The following UGT1A8 variants were observed in gnomAD, a reference collection of about 807,000 sequenced individuals.
The protein encoded by UGT1A8 is UDP glucuronosyltransferase family 1 member A8, also known as UDP-glucuronosyltransferase 1A8.
UGT1A8 carries 39 observed loss-of-function variants against 45.3 expected under a neutral mutation model. The ratio of observed to expected loss-of-function variants is 0.86; its 90% CI spans 0.67 to 1.12. The LOEUF is 1.12. Ranked by LOEUF, UGT1A8 falls within the 50% of genes most tolerant of loss-of-function variation. The pLI, the probability that UGT1A8 is intolerant of heterozygous loss-of-function variation, is 0.00. For missense variants in UGT1A8, 719 were observed against 664.9 expected (o/e 1.08, Z -0.90); for synonymous variants, 275 against 249.2 (o/e 1.10, Z -0.97).
intron 1 of UGT1A8, among the ~76,000 whole-genome samples, chr2:233,703,976 C>T (rs542132657): frequency 9.2e-5 from 14 of 152,024 alleles, no homozygotes; most frequent in East Asian, 1.9e-4. Context: ...CTGCAACCTC[C>T]GCCTCCTGGG....
intron 1 of UGT1A8, among the ~76,000 whole-genome samples, chr2:233,631,981 G>C (rs1483331267): frequency 6.6e-6 from 1 of 152,162 alleles, no homozygotes; most frequent in Non-Finnish European, 1.5e-5. Context: ...TTATGTTTAA[G>C]TCTTTAATCC....
intron 1 of UGT1A8, among the ~76,000 whole-genome samples, chr2:233,724,133 G>A (rs1298685512): frequency 0.042 from 1,427 of 33,736 alleles, 2 homozygotes; most frequent in African/African-American, 0.058. Context: ...CTCACCTCCC[G>A]GACGGGGCGG....
At chr2:233,674,004 A>G (rs17862858) in intron 1 of UGT1A8, among the ~76,000 whole-genome samples, 5,514 of 152,276 alleles carry the variant, frequency 0.036, 132 homozygotes, top group Admixed American at 0.06. Flanking sequence ...TGAAAAGTCC[A>G]TGACAAATAC....
chr2:233,688,681 T>C (rs1486641418), intron 1 of UGT1A8, among the ~76,000 whole-genome samples: 1 of 152,192 alleles, frequency 6.6e-6, no homozygotes, highest in East Asian at 1.9e-4. Flanking sequence ...TTTTAAAAAA[T>C]TTAATATTAA....
rs771555737 is a variant in UGT1A8, at chr2:233,682,301, T to C, written c.855+63739T>C. 44 of 1,614,092 alleles carry C rather than the reference T, an allele frequency of 2.7e-5. No individual in the cohort carries two copies. The highest frequency in any genetic ancestry group is 3.6e-5 in the Non-Finnish European group (42 of 1,180,036). ...CAATGGTATTTTTGACTTATTTTTT[T>C]CAAATTGCAGGAGTTTGTTTAATGA... On this transcript the variant is annotated intron_variant, in intron 1 of 4. Coordinates refer to ENST00000373450, the MANE Select transcript of UGT1A8 (RefSeq NM_019076.5).
intron 1 of UGT1A8, chr2:233,713,136 C>A (rs41270755): frequency 6.2e-7 from 1 of 1,614,170 alleles, no homozygotes; most frequent in East Asian, 2.2e-5. Context: ...GGAGGCCTTG[C>A]GGGACCTCCA....
At chr2:233,766,675 C>G (rs1309582394) in intron 1 of UGT1A8, among the ~76,000 whole-genome samples, 1 of 152,200 alleles carries the variant, frequency 6.6e-6, no homozygotes, top group Non-Finnish European at 1.5e-5. Context: ...CCCAGCTCTT[C>G]CCTTCTGTAT....
rs186063545 is a variant in UGT1A8 at position 233,691,746 on chromosome 2, C to T, written c.855+73184C>T. 6.9e-5 allele frequency: 40 copies of T among 577,626 alleles called. No individual in the cohort carries two copies. The East Asian group carries it at 5.4e-3, about 78-fold the overall frequency. The allele number at this position is 577,626 out of a possible 1,614,324, so 35.8% of individuals were successfully genotyped here. On this transcript the variant is annotated intron_variant, in intron 1 of 4. Transcript: ENST00000373450. The stretch of plus-strand genomic sequence containing the variant: ...GGCTGGGCCAGAAGCAGATACCAGG[C>T]TTTCTGACTCCTGCTCTAGGATTCT...
At chr2:233,622,602 G>A (rs188966423) in intron 1 of UGT1A8, among the ~76,000 whole-genome samples, 16 of 152,198 alleles carry the variant, frequency 1.1e-4, no homozygotes, top group Non-Finnish European at 2.4e-4. Flanking sequence ...ATTTTTTTGA[G>A]TTCTTTGTAG....
intron 1 of UGT1A8, among the ~76,000 whole-genome samples, chr2:233,621,666 G>T (rs1305714728): frequency 6.6e-6 from 1 of 152,090 alleles, no homozygotes. Context: ...CTATTTTGCT[G>T]AACTGATTCA....
At chr2:233,726,854 A>G (rs980426931) in intron 1 of UGT1A8, among the ~76,000 whole-genome samples, 2 of 152,058 alleles carry the variant, frequency 1.3e-5, no homozygotes, top group Non-Finnish European at 2.9e-5. Context: ...CCTTTTCTCC[A>G]TAGTCTTCTA....
Position 233,772,633 on chromosome 2 carries a change from T to G in UGT1A8, c.*74T>G. The G allele has an allele frequency of 6.4e-7, 1 of 1,555,996 alleles. No homozygotes were observed. Among genetic ancestry groups the G allele is most frequent in the Non-Finnish European group, 8.7e-7 (1 of 1,149,842 alleles). On this transcript the variant is annotated 3_prime_UTR_variant, in exon 5 of 5. Transcript: ENST00000373450. ...TCCAAACTTGAAAACAGAATCAGTG[T>G]TAAATTCATTTTATTCTTATTAAGG... is the stretch of plus-strand genomic sequence containing the variant.
chr2:233,664,881 G>A (rs1014039325), intron 1 of UGT1A8, among the ~76,000 whole-genome samples: 1 of 152,082 alleles, frequency 6.6e-6, no homozygotes, highest in Non-Finnish European at 1.5e-5. Flanking sequence ...GCCACTTCAT[G>A]GACCTCTCAG....
At chr2:233,692,890 A>C in intron 1 of UGT1A8, 1 of 1,522,444 alleles carries the variant, frequency 6.6e-7, no homozygotes, top group South Asian at 1.4e-5. Flanking sequence ...AGAGCAAGGG[A>C]GAGGTAGACA....
intron 1 of UGT1A8, chr2:233,636,569 T>C: frequency 6.2e-7 from 1 of 1,614,202 alleles, no homozygotes; most frequent in Non-Finnish European, 8.5e-7. Context: ...TGTGTGTGTC[T>C]ACTGCTGACC....
intron 1 of UGT1A8, chr2:233,729,207 G>C (rs6706232): frequency 6.2e-7 from 1 of 1,613,766 alleles, no homozygotes; most frequent in Non-Finnish European, 8.5e-7. Flanking sequence ...CCTGGGCTGA[G>C]AGTGGAAAGG....
At chr2:233,730,791 G>A (rs530253240) in intron 1 of UGT1A8, among the ~76,000 whole-genome samples, 3 of 152,260 alleles carry the variant, frequency 2.0e-5, no homozygotes, top group African/African-American at 7.2e-5. Context: ...TGGGGACAGT[G>A]ATGAATGGAC....
chr2:233,661,623 T>TTTTCTTTCTTTCTTTATTTCTTTC (rs1265546183), intron 1 of UGT1A8, among the ~76,000 whole-genome samples: 12 of 124,046 alleles, frequency 9.7e-5, no homozygotes, highest in African/African-American at 2.9e-4. Context: ...ACTTACTGAA[T>TTTTCTTTCTTTCTTTATTTCTTTC]TTTCTTTCTT....
intron 1 of UGT1A8, among the ~76,000 whole-genome samples, chr2:233,728,669 T>C (rs1349775872): frequency 3.9e-5 from 6 of 152,276 alleles, no homozygotes; most frequent in Admixed American, 3.9e-4. Context: ...GCGTTACTCA[T>C]ACATGAGAAG....
Sources: allele counts gnomAD v4.1 joint callset (sites outside exome capture counted in the v4.1 genomes callset), GRCh38; gene constraint gnomAD v4.1.1; transcripts MANE v1.5; gene names NCBI Gene and HGNC (gene_info 2026-07-23, HGNC 2026-07-21).